Variants in ICA1L observed in about 807,000 individuals in gnomAD.
ICA1L encodes the protein islet cell autoantigen 1-like protein.
A neutral mutation model predicts 61.3 loss-of-function variants in ICA1L; 50 were observed. That is an observed-to-expected ratio of 0.82 (90% CI 0.65 to 1.03). The LOEUF is 1.03. Among genes scored for constraint, ICA1L ranks in the 50% least tolerant of loss-of-function variants. The pLI is 0.00. For synonymous variants in ICA1L, 161 were observed against 191.3 expected, an observed-to-expected ratio of 0.84 and a Z score of 1.31; for missense variants, 508 against 556.7, an observed-to-expected ratio of 0.91 and a Z score of 0.88.
chr2:202,871,023 G>GC (rs933158771), intron 1 of ICA1L: 7 of 152,248 alleles, frequency 4.6e-5, no homozygotes, highest in Non-Finnish European at 7.3e-5. Flanking sequence ...TGTGCGCGGA[G>GC]CCCCTCGCGG....
chr2:202,834,965 G>A (rs1162105730), intron 1 of ICA1L, among the ~76,000 whole-genome samples: 1 of 151,836 alleles, frequency 6.6e-6, no homozygotes, highest in Non-Finnish European at 1.5e-5. Context: ...GGAGTAGCTG[G>A]GACCACAGGC....
At chr2:202,865,918 C>T (rs1687498335) in intron 1 of ICA1L, among the ~76,000 whole-genome samples, 1 of 152,176 alleles carries the variant, frequency 6.6e-6, no homozygotes, top group South Asian at 2.1e-4. Context: ...TGAGCCACCA[C>T]ACCCAGCCTA....
rs112873214 is a variant in ICA1L at position 202,773,737 on chromosome 2, G to A, written c.*5796C>T. ...TAGTTGCATCAGTTATGCATGAAGA[G>A]TTTAATAACCATCCAGGTCCAAAGG... On this transcript the variant is annotated 3_prime_UTR_variant, in exon 13 of 13. Coordinates refer to ENST00000358299, the MANE Select transcript of ICA1L (RefSeq NM_001288622.3). The A allele has an allele frequency of 5.8e-5, 74 of 1,269,454 alleles. No homozygotes were observed. The highest frequency in any genetic ancestry group is 4.3e-4 in the Admixed American group (25 of 58,232). The allele number at this position is 1,269,454 out of a possible 1,614,324, so 78.6% of individuals were successfully genotyped here.
At chr2:202,854,761 C>T (rs1347420156) in intron 1 of ICA1L, among the ~76,000 whole-genome samples, 1 of 152,220 alleles carries the variant, frequency 6.6e-6, no homozygotes, top group Non-Finnish European at 1.5e-5. Context: ...GGTGCAGTGG[C>T]TCAGGCCTGT....
rs901842874 is a variant in ICA1L, at chr2:202,871,740, C to G, written c.-129G>C. 3 of 152,596 alleles carry G rather than the reference C, an allele frequency of 2.0e-5. No homozygotes were observed. Among genetic ancestry groups the G allele is most frequent in the East Asian group, 1.9e-4 (1 of 5,178 alleles). The allele number at this position is 152,596 out of a possible 1,614,324, so 9.5% of individuals were successfully genotyped here. ...CCCGGCCCTCCGGCAGCCAGTGCCCCTCCGCACCAGTGCGTGGAGGTGTCA... is the reference window on the plus strand; with the variant it reads ...CCCGGCCCTCCGGCAGCCAGTGCCCGTCCGCACCAGTGCGTGGAGGTGTCA... On this transcript the variant is annotated 5_prime_UTR_variant, in exon 1 of 13. Transcript: ENST00000358299.
chr2:202,845,735 A>G (rs1200027487), intron 1 of ICA1L, among the ~76,000 whole-genome samples: 1 of 152,188 alleles, frequency 6.6e-6, no homozygotes, highest in Non-Finnish European at 1.5e-5. Context: ...AAAACAAATC[A>G]ATAATCTCTT....
chr2:202,838,928 C>A (rs1428833783), intron 1 of ICA1L, among the ~76,000 whole-genome samples: 1 of 152,032 alleles, frequency 6.6e-6, no homozygotes, highest in African/African-American at 2.4e-5. Flanking sequence ...GCACAATACT[C>A]CCTTAAACAA....
intron 9 of ICA1L, among the ~76,000 whole-genome samples, chr2:202,803,282 T>TC (rs1344967205): frequency 6.7e-6 from 1 of 150,254 alleles, no homozygotes; most frequent in Non-Finnish European, 1.5e-5. Flanking sequence ...GTGCCTGTAA[T>TC]CCCAGCTACT....
intron 9 of ICA1L, among the ~76,000 whole-genome samples, chr2:202,809,323 G>A (rs1195585196): frequency 2.6e-5 from 4 of 151,628 alleles, no homozygotes; most frequent in African/African-American, 4.8e-5. Flanking sequence ...TTTGAAGACC[G>A]GTTATCTGAA....
intron 1 of ICA1L, among the ~76,000 whole-genome samples, chr2:202,858,476 T>A (rs1006233523): frequency 2.8e-4 from 43 of 152,042 alleles, no homozygotes; most frequent in Non-Finnish European, 7.4e-5. Flanking sequence ...TGTCAGGGGT[T>A]GGGGGAAAGG....
chr2:202,806,769 A>G (rs1430112143), intron 9 of ICA1L, among the ~76,000 whole-genome samples: 6 of 152,172 alleles, frequency 3.9e-5, no homozygotes, highest in African/African-American at 1.4e-4. Context: ...CTGGTAAGAT[A>G]GGCATAAATA....
intron 1 of ICA1L, 131 bp from the exon 2 acceptor site, chr2:202,829,147 G>C (rs1438021659): frequency 1.7e-6 from 1 of 591,872 alleles, no homozygotes; most frequent in Non-Finnish European, 2.8e-6. Context: ...ATGAGATCGA[G>C]ACCATCCTGG....
chr2:202,844,388 A>G (rs1434270426), intron 1 of ICA1L: 1 of 152,144 alleles, frequency 6.6e-6, no homozygotes, highest in African/African-American at 2.4e-5. Context: ...AAAATCTATA[A>G]AAAAAGAAAA....
chr2:202,789,036 T>C lies in ICA1L; in HGVS notation c.1037A>G (p.Glu346Gly). ...DSLEGEDFEK[E>G]FSFLNNLLSS... Reference sequence around the variant, plus strand: ...TAGGAGGTTGTTCAGAAATGAGAATTCCTTCTCAAAATCTTCTCCTTCCAA... The same window carrying C: ...TAGGAGGTTGTTCAGAAATGAGAATCCCTTCTCAAAATCTTCTCCTTCCAA... Residue 346 changes from glutamate to glycine, a missense_variant, in exon 11 of 13, where the codon GAA becomes GGA. Coordinates refer to ENST00000358299, the MANE Select transcript of ICA1L (RefSeq NM_001288622.3). The C allele has an allele frequency of 6.2e-7, 1 of 1,611,976 alleles. No homozygotes were observed.
chr2:202,852,152 AGTCTTTACTATTTAG>A lies in ICA1L; in HGVS notation c.-8+19452_-8+19466del, dbSNP rs200189469. On this transcript the variant is annotated intron_variant, in intron 1 of 12. Coordinates refer to ENST00000358299, the MANE Select transcript of ICA1L (RefSeq NM_001288622.3). Reference sequence around the variant, plus strand: ...TTTATGGTTTTAGGTCTAACATTTCAGTCTTTACTATTTAGGTCTTTACTATTTAGGTCTAACATT... The same window carrying A: ...TTTATGGTTTTAGGTCTAACATTTCAGTCTTTACTATTTAGGTCTAACATT... Among the ~76,000 whole-genome samples the A allele has an allele frequency of 1.1e-3, 162 of 152,258 alleles. 1 individual carries two copies. The East Asian group carries it at 0.027, about 25-fold the overall frequency.
At chr2:202,821,287 C>G (rs1382368947) in intron 4 of ICA1L, 71 bp downstream of exon 4, 2 of 1,493,942 alleles carry the variant, frequency 1.3e-6, no homozygotes, top group East Asian at 4.7e-5. Flanking sequence ...TACAAATATG[C>G]AAATTTAAGT....
intron 1 of ICA1L, among the ~76,000 whole-genome samples, chr2:202,854,146 A>G (rs143385727): frequency 0.089 from 13,524 of 152,106 alleles, 738 homozygotes; most frequent in Non-Finnish European, 0.12. Flanking sequence ...CAGGAGACCT[A>G]TCTCATGTGC....
At chr2:202,814,071 G>A (rs1416858700) in intron 8 of ICA1L, among the ~76,000 whole-genome samples, 2 of 152,102 alleles carry the variant, frequency 1.3e-5, no homozygotes, top group Non-Finnish European at 2.9e-5. Flanking sequence ...GAAAAAATTC[G>A]TGTAGGATCT....
intron 9 of ICA1L, among the ~76,000 whole-genome samples, chr2:202,800,308 C>T (rs1693056498): frequency 6.6e-6 from 1 of 152,134 alleles, no homozygotes; most frequent in Non-Finnish European, 1.5e-5. Context: ...CAAAAGATAG[C>T]ATACTCTTTT....
Sources: allele counts gnomAD v4.1 joint callset (sites outside exome capture counted in the v4.1 genomes callset), GRCh38; gene constraint gnomAD v4.1.1; transcripts MANE v1.5; gene names NCBI Gene and HGNC (gene_info 2026-07-23, HGNC 2026-07-21).